Variants in NME7 observed in about 807,000 individuals in gnomAD.
The protein encoded by NME7 is NME/NM23 family member 7.
In NME7, 41 loss-of-function variants were observed where a neutral mutation model predicts 49.1. The observed-to-expected ratio is 0.83, with a 90% CI of 0.65 to 1.08. NME7 has a LOEUF of 1.08. Among genes scored for constraint, NME7 ranks in the 50% least tolerant of loss-of-function variants. NME7 has a pLI of 0.00. For missense variants in NME7, 423 were observed against 463.4 expected, an observed-to-expected ratio of 0.91 and a Z score of 0.80; for synonymous variants, 139 against 150.6, an observed-to-expected ratio of 0.92 and a Z score of 0.56.
intron 10 of NME7, among the ~76,000 whole-genome samples, chr1:169,177,997 C>T (rs1036841276): frequency 2.0e-5 from 3 of 151,944 alleles, no homozygotes; most frequent in South Asian, 2.1e-4. Flanking sequence ...CCACCACACC[C>T]AGCTAATTTT....
At position 169,323,192 on chromosome 1, in the gene NME7, A is replaced by T; in HGVS notation, c.203T>A (p.Val68Asp). The T allele has an allele frequency of 6.2e-7, 1 of 1,608,480 alleles. No individual in the cohort carries two copies. The change falls in exon 3 of 12, where the codon GTC becomes GAC. Residue 68 changes from valine to aspartate, a missense_variant. Physicochemically the swap from Val to Asp is radical, Grantham distance 152. Transcript: ENST00000367811. The stretch of plus-strand genomic sequence containing the variant: ...AATTAATACCAGTTGTCGAGAAAAG[A>T]CATTCACTTTGTTGCCTATAAATAA... ...EDLFIGNKVN[V>D]FSRQLVLIDY...
At chr1:169,251,249 T>C (rs186999676) in intron 7 of NME7, among the ~76,000 whole-genome samples, 1 of 152,236 alleles carries the variant, frequency 6.6e-6, no homozygotes, top group Admixed American at 6.5e-5. Flanking sequence ...CTTTTTTTAC[T>C]GTTGTTGCTT....
intron 6 of NME7, among the ~76,000 whole-genome samples, chr1:169,294,551 G>A (rs1348899233): frequency 1.3e-5 from 2 of 152,218 alleles, no homozygotes; most frequent in Middle Eastern, 3.4e-3. Flanking sequence ...GTTTGGGGCT[G>A]TGATGTTTTT....
At chr1:169,286,766 A>G (rs529830945) in intron 7 of NME7, 26 of 152,432 alleles carry the variant, frequency 1.7e-4, no homozygotes, top group African/African-American at 5.8e-4. Context: ...TGGGTAGATC[A>G]TCTGAGGTCA....
At chr1:169,166,918 G>C (rs564657684) in intron 11 of NME7, among the ~76,000 whole-genome samples, 1 of 152,328 alleles carries the variant, frequency 6.6e-6, no homozygotes, top group South Asian at 2.1e-4. Context: ...GTTGCAGTGA[G>C]CCGAGATTGT....
At chr1:169,218,711 C>T (rs1571300498) in intron 10 of NME7, among the ~76,000 whole-genome samples, 2 of 138,140 alleles carry the variant, frequency 1.4e-5, no homozygotes, top group East Asian at 4.3e-4. Context: ...CCAATCAATG[C>T]AGCCTGCCAA....
chr1:169,163,148 G>C (rs920780967), intron 11 of NME7, among the ~76,000 whole-genome samples: 1 of 152,114 alleles, frequency 6.6e-6, no homozygotes, highest in Non-Finnish European at 1.5e-5. Context: ...AGGAAGCAAG[G>C]AGAAAGTAAA....
At chr1:169,218,339 T>A (rs1661033161) in intron 10 of NME7, among the ~76,000 whole-genome samples, 1 of 152,124 alleles carries the variant, frequency 6.6e-6, no homozygotes, top group South Asian at 2.1e-4. Context: ...ATGCTTGTAA[T>A]CCTAGCACAC....
chr1:169,152,714 A>G (rs1658946586), intron 11 of NME7, among the ~76,000 whole-genome samples: 1 of 152,180 alleles, frequency 6.6e-6, no homozygotes, highest in Non-Finnish European at 1.5e-5. Context: ...GAATGGTCCT[A>G]TTTTAGACTA....
intron 6 of NME7, among the ~76,000 whole-genome samples, chr1:169,296,796 T>C (rs548917527): frequency 6.6e-6 from 1 of 152,282 alleles, no homozygotes; most frequent in Admixed American, 6.5e-5. Flanking sequence ...TCTCATACTC[T>C]ACATTCAATC....
intron 7 of NME7, among the ~76,000 whole-genome samples, chr1:169,260,704 T>G (rs557436540): frequency 2.2e-5 from 3 of 133,574 alleles, no homozygotes; most frequent in African/African-American, 7.6e-5. Flanking sequence ...GGAGGATACA[T>G]AGAAAACCAG....
At chr1:169,366,429 T>C (rs994290609) in intron 1 of NME7, among the ~76,000 whole-genome samples, 2 of 152,176 alleles carry the variant, frequency 1.3e-5, no homozygotes, top group Non-Finnish European at 2.9e-5. Flanking sequence ...GACTAGGAAA[T>C]AACTGGATAA....
intron 4 of NME7, among the ~76,000 whole-genome samples, chr1:169,307,672 G>C (rs1651223632): frequency 6.6e-6 from 1 of 152,126 alleles, no homozygotes; most frequent in East Asian, 1.9e-4. Flanking sequence ...GAAGTATAGA[G>C]ACACTAAACT....
At chr1:169,344,109 G>A (rs909623279) in intron 1 of NME7, among the ~76,000 whole-genome samples, 1 of 152,078 alleles carries the variant, frequency 6.6e-6, no homozygotes, top group African/African-American at 2.4e-5. Flanking sequence ...AGTTTTCAGT[G>A]TACAATTCTT....
intron 7 of NME7, among the ~76,000 whole-genome samples, chr1:169,251,693 A>C (rs1334209189): frequency 7.3e-6 from 1 of 137,068 alleles, no homozygotes; most frequent in Admixed American, 7.2e-5. Context: ...TATATCTCCC[A>C]ATGCTATCCC....
intron 7 of NME7, among the ~76,000 whole-genome samples, chr1:169,246,496 T>G (rs190092862): frequency 6.6e-6 from 1 of 152,322 alleles, no homozygotes; most frequent in East Asian, 1.9e-4. Flanking sequence ...GATCCTCCAC[T>G]AACACCACAT....
At chr1:169,173,356 A>G (rs181026803) in intron 10 of NME7, among the ~76,000 whole-genome samples, 2 of 152,310 alleles carry the variant, frequency 1.3e-5, no homozygotes, top group African/African-American at 2.4e-5. Flanking sequence ...GAATAAAGGT[A>G]TAAGTTTAGA....
At chr1:169,343,488 TG>T (rs1403971862) in intron 1 of NME7, among the ~76,000 whole-genome samples, 4 of 151,880 alleles carry the variant, frequency 2.6e-5, no homozygotes, top group Middle Eastern at 6.8e-3. Context: ...GCCATTACAT[TG>T]TCTCTTTTTT....
At chr1:169,350,222 AAAAGAAAG>A (rs1259098419) in intron 1 of NME7, among the ~76,000 whole-genome samples, 7 of 105,750 alleles carry the variant, frequency 6.6e-5, no homozygotes, top group East Asian at 4.2e-4. Flanking sequence ...AGAAAGGGAG[AAAAGAAAG>A]AAAGAAAGAA....
Sources: allele counts gnomAD v4.1 joint callset (sites outside exome capture counted in the v4.1 genomes callset), GRCh38; gene constraint gnomAD v4.1.1; transcripts MANE v1.5; gene names NCBI Gene and HGNC (gene_info 2026-07-23, HGNC 2026-07-21).